Variants in RASGRF1 observed in about 807,000 individuals in gnomAD.
The protein encoded by RASGRF1 is ras-specific guanine nucleotide-releasing factor 1.
A neutral mutation model predicts 138.7 loss-of-function variants in RASGRF1; 40 were observed. The ratio of observed to expected loss-of-function variants is 0.29; its 90% CI spans 0.22 to 0.38. The LOEUF (loss-of-function observed/expected upper bound fraction) is 0.38, where lower values mean the gene tolerates loss of function less well. Among genes scored for constraint, RASGRF1 ranks in the 10% least tolerant of loss-of-function variants. RASGRF1 has a pLI of 1.00. For missense variants in RASGRF1, 1,108 were observed against 1,650.4 expected (o/e 0.67, Z 5.69); for synonymous variants, 614 against 663.2 (o/e 0.93, Z 1.14).
intron 22 of RASGRF1, 136 bp downstream of exon 22, chr15:78,990,053 T>A: frequency 2.7e-6 from 2 of 751,262 alleles, no homozygotes; most frequent in South Asian, 3.0e-5. Flanking sequence ...CGAGGCCACA[T>A]GGCAAGGGGT....
Position 78,971,910 on chromosome 15 carries a change from G to A in RASGRF1, c.3637C>T (p.Arg1213Cys), listed in dbSNP as rs561370237. Residue 1213 changes from arginine to cysteine, a missense_variant, in exon 26 of 27, where the codon CGC (arginine) becomes TGC (cysteine). This residue lies in a region of RASGRF1 where 686 missense variants were observed against 976.7 expected (regional missense o/e 0.70). Coordinates refer to ENST00000558480, the MANE Select transcript of RASGRF1 (RefSeq NM_001145648.3). ...RMISHIIREI[R>C]QFQQTAYKIE... ...TTGTAGGCAGTTTGTTGAAACTGGC[G>A]AATCTCTCGGATAATATGGGATATC... The A allele has an allele frequency of 4.7e-5, 74 of 1,587,424 alleles. No individual in the cohort carries two copies. Among genetic ancestry groups the A allele is most frequent in the East Asian group, 6.7e-5 (3 of 44,762 alleles).
At chr15:79,044,325 C>A (rs898852077) in intron 5 of RASGRF1, among the ~76,000 whole-genome samples, 4 of 152,242 alleles carry the variant, frequency 2.6e-5, no homozygotes, top group Admixed American at 6.5e-5. Context: ...TGTAAACTCT[C>A]TCATGTCCTT....
intron 20 of RASGRF1, among the ~76,000 whole-genome samples, 153 bp downstream of exon 20, chr15:78,995,587 C>G (rs1362994881): frequency 6.6e-6 from 1 of 152,242 alleles, no homozygotes; most frequent in East Asian, 1.9e-4. Context: ...CTGCGCTCAG[C>G]CCATTCCTGT....
chr15:79,052,109 G>A (rs2141035783), intron 3 of RASGRF1, among the ~76,000 whole-genome samples: 1 of 152,230 alleles, frequency 6.6e-6, no homozygotes, highest in South Asian at 2.1e-4. Flanking sequence ...TCCACACCTG[G>A]CTCCATGCCT....
intron 21 of RASGRF1, 25 bp from the exon 22 acceptor site, chr15:78,990,298 G>C: frequency 6.7e-7 from 1 of 1,481,880 alleles, no homozygotes; most frequent in Non-Finnish European, 9.4e-7. Flanking sequence ...GGGAGACCCA[G>C]GTGGAGGGGG....
intron 10 of RASGRF1, among the ~76,000 whole-genome samples, chr15:79,023,813 T>C (rs1215901495): frequency 6.6e-6 from 1 of 152,112 alleles, no homozygotes; most frequent in Non-Finnish European, 1.5e-5. Flanking sequence ...GAAGGGGCTC[T>C]GTCAGAGCTC....
chr15:79,009,872 C>A (rs575636661), intron 13 of RASGRF1, among the ~76,000 whole-genome samples: 1 of 149,822 alleles, frequency 6.7e-6, no homozygotes, highest in Non-Finnish European at 1.5e-5. Flanking sequence ...TTACAGGTGC[C>A]CACCACCACA....
In RASGRF1 at chr15:78,973,434, G is replaced by A. The variant is rs1160587706; in HGVS notation, c.3495-14C>T. 1.2e-5 allele frequency: 19 copies of A among 1,550,662 alleles called. No individual in the cohort carries two copies. Among genetic ancestry groups the A allele is most frequent in the Non-Finnish European group, 1.6e-5 (18 of 1,127,276 alleles). On this transcript the variant is annotated splice_polypyrimidine_tract_variant and intron_variant, in intron 24 of 26. Transcript: ENST00000558480. The surrounding 1 kb of genome is among the most constrained non-coding windows in gnomAD (Gnocchi z 4.9). Reference sequence around the variant, plus strand: ...GGTGGGTCACAACTTGGAAGCAAACGGCATTAACACAAGTTTTTCATTTTA... The same window carrying A: ...GGTGGGTCACAACTTGGAAGCAAACAGCATTAACACAAGTTTTTCATTTTA...
chr15:79,050,902 C>T lies in RASGRF1; in HGVS notation c.532-1314G>A, dbSNP rs8027355. ...TGCTTGTCTACTCTTCTATCTTTGC[C>T]GTGAGCTCTAAGGGAGAAGGGATTG... On this transcript the variant is annotated intron_variant, in intron 3 of 26. Coordinates refer to ENST00000558480, the MANE Select transcript of RASGRF1 (RefSeq NM_001145648.3). The surrounding 1 kb of genome is among the most constrained non-coding windows in gnomAD (Gnocchi z 4.1). Among the ~76,000 whole-genome samples the T allele has an allele frequency of 6.6e-6, 1 of 152,162 alleles. No individual in the cohort carries two copies. Among genetic ancestry groups the T allele is most frequent in the African/African-American group, 2.4e-5 (1 of 41,444 alleles).
At chr15:78,978,896 A>G in intron 24 of RASGRF1, 8 of 1,243,494 alleles carry the variant, frequency 6.4e-6, no homozygotes, top group Non-Finnish European at 8.3e-6. Flanking sequence ...CCTGTGCTGC[A>G]GGGAGCAGGG....
At chr15:79,081,958 C>G (rs748380991) in intron 1 of RASGRF1, among the ~76,000 whole-genome samples, 1 of 152,160 alleles carries the variant, frequency 6.6e-6, no homozygotes, top group Non-Finnish European at 1.5e-5. Flanking sequence ...ACAGAGTCAC[C>G]GAGCTTAATG....
intron 1 of RASGRF1, among the ~76,000 whole-genome samples, chr15:79,070,131 C>T (rs2057735555): frequency 6.6e-6 from 1 of 152,178 alleles, no homozygotes; most frequent in African/African-American, 2.4e-5. Flanking sequence ...TAACATTCTG[C>T]TCAGGTCGCA....
chr15:79,077,768 G>A (rs956303966), intron 1 of RASGRF1, among the ~76,000 whole-genome samples: 2 of 152,214 alleles, frequency 1.3e-5, no homozygotes, highest in East Asian at 3.9e-4. Context: ...TGCCATGCCT[G>A]CTTCAGGGAT....
At chr15:79,025,926 TA>T (rs11328006) in intron 9 of RASGRF1, among the ~76,000 whole-genome samples, 69,470 of 143,258 alleles carry the variant, frequency 0.48, 17,519 homozygotes, top group South Asian at 0.64. Context: ...TACTAAGATT[TA>T]AAAAAAAAAA....
intron 12 of RASGRF1, among the ~76,000 whole-genome samples, chr15:79,016,505 C>T (rs910199199): frequency 1.3e-5 from 2 of 152,214 alleles, no homozygotes; most frequent in Non-Finnish European, 2.9e-5. Flanking sequence ...CCCACCTTGA[C>T]CCCTTCACTG....
chr15:79,068,636 A>G (rs2057713627), intron 1 of RASGRF1, among the ~76,000 whole-genome samples: 1 of 151,478 alleles, frequency 6.6e-6, no homozygotes, highest in African/African-American at 2.4e-5. Context: ...ACACGCTTTT[A>G]TATCTATCCA....
At chr15:79,003,513 G>A (rs1262458428) in intron 15 of RASGRF1, among the ~76,000 whole-genome samples, 3 of 152,250 alleles carry the variant, frequency 2.0e-5, no homozygotes, top group African/African-American at 7.2e-5. Flanking sequence ...TGTGGTCAGG[G>A]CAGAGGGATG....
At chr15:78,962,939 G>A (rs1379820851) in intron 26 of RASGRF1, among the ~76,000 whole-genome samples, 1 of 152,078 alleles carries the variant, frequency 6.6e-6, no homozygotes, top group Non-Finnish European at 1.5e-5. Context: ...GTATTAAAAC[G>A]CTAGGATTAC....
intron 1 of RASGRF1, among the ~76,000 whole-genome samples, chr15:79,083,582 A>C (rs1444354233): frequency 6.6e-6 from 1 of 152,220 alleles, no homozygotes; most frequent in Non-Finnish European, 1.5e-5. Context: ...ACATATTTTC[A>C]CCTGCTATTA....
Sources: gnomAD v4.1 joint callset for allele counts (sites outside exome capture counted in the v4.1 genomes callset) on GRCh38, gnomAD v4.1.1 for gene constraint, gnomAD v4.1.1 regional missense constraint, Gnocchi (gnomAD v3.1) non-coding constraint, MANE v1.5 for transcripts, NCBI Gene and HGNC (gene_info 2026-07-23, HGNC 2026-07-21) for gene names.